The following BBS9 variants were observed in gnomAD, a reference collection of about 807,000 sequenced individuals.
BBS9 encodes Bardet-Biedl syndrome 9, also known as protein PTHB1.
BBS9 carries 89 observed loss-of-function variants against 117.7 expected under a neutral mutation model. That is an observed-to-expected ratio of 0.76 (90% CI 0.64 to 0.90). The LOEUF is 0.90. BBS9 is among the 40% of genes least tolerant of loss of function. The pLI is 0.00. For synonymous variants in BBS9, 379 were observed against 370.9 expected (o/e 1.02, Z -0.25); for missense variants, 982 against 1,042.2 (o/e 0.94, Z 0.80).
chr7:33,462,152 T>C (rs1335250473), intron 19 of BBS9, among the ~76,000 whole-genome samples: 1 of 152,078 alleles, frequency 6.6e-6, no homozygotes, highest in Non-Finnish European at 1.5e-5. Flanking sequence ...TACACAAGAA[T>C]GTTTTATTGG....
intron 9 of BBS9, among the ~76,000 whole-genome samples, chr7:33,313,354 T>C (rs1451627830): frequency 4.6e-5 from 7 of 152,206 alleles, no homozygotes; most frequent in Non-Finnish European, 1.0e-4. Flanking sequence ...TATTTTTTCA[T>C]TAATGAAAGA....
At chr7:33,459,044 T>C (rs1001788054) in intron 19 of BBS9, among the ~76,000 whole-genome samples, 1 of 152,066 alleles carries the variant, frequency 6.6e-6, no homozygotes, top group Non-Finnish European at 1.5e-5. Context: ...GGAATGAAGT[T>C]AGGGGATCAG....
rs140019958 is a variant in BBS9, at chr7:33,596,359, TTATCTATC to T, written c.2522-8478_2522-8471del. Among the ~76,000 whole-genome samples the T allele has an allele frequency of 2.6e-3, 376 of 145,002 alleles. 1 individual carries two copies. The highest frequency in any genetic ancestry group is 0.01 in the Middle Eastern group (3 of 292). ...TTGTAGATATATAATTGATATATAA[TTATCTATC>T]TATCTATCTATCTATCTATCTATCT... On this transcript the variant is annotated intron_variant, in intron 21 of 22. Coordinates refer to ENST00000242067, the MANE Select transcript of BBS9 (RefSeq NM_198428.3).
chr7:33,405,857 T>C (rs1284984180), intron 19 of BBS9, among the ~76,000 whole-genome samples: 1 of 152,182 alleles, frequency 6.6e-6, no homozygotes, highest in Admixed American at 6.5e-5. Flanking sequence ...AGTTCTGCTC[T>C]GATTTTAGTT....
At chr7:33,466,306 T>C (rs1840154217) in intron 19 of BBS9, among the ~76,000 whole-genome samples, 1 of 152,102 alleles carries the variant, frequency 6.6e-6, no homozygotes, top group South Asian at 2.1e-4. Flanking sequence ...TGACCAACAT[T>C]CTCTCACTTC....
intron 19 of BBS9, among the ~76,000 whole-genome samples, chr7:33,465,539 G>A (rs1362229): frequency 0.78 from 118,710 of 152,110 alleles, 47,211 homozygotes; most frequent in African/African-American, 0.94. Flanking sequence ...GGATTTCAGT[G>A]CACTCTTATT....
chr7:33,491,293 G>A (rs1473048032), intron 19 of BBS9, among the ~76,000 whole-genome samples: 1 of 152,190 alleles, frequency 6.6e-6, no homozygotes, highest in African/African-American at 2.4e-5. Flanking sequence ...AGGATAAAAA[G>A]CAAAGCTACC....
At chr7:33,202,949 C>T (rs1235148722) in intron 5 of BBS9, among the ~76,000 whole-genome samples, 1 of 152,192 alleles carries the variant, frequency 6.6e-6, no homozygotes, top group Non-Finnish European at 1.5e-5. Flanking sequence ...CCATTGTCAA[C>T]CTCCAGCTTA....
At chr7:33,165,126 T>C (rs1180438822) in intron 4 of BBS9, among the ~76,000 whole-genome samples, 1 of 152,180 alleles carries the variant, frequency 6.6e-6, no homozygotes, top group Non-Finnish European at 1.5e-5. Flanking sequence ...GGGTTGAAAA[T>C]TGTTTTCTTT....
chr7:33,341,008 A>C lies in BBS9; in HGVS notation c.1275+35A>C, dbSNP rs940351746. ...CTTGCAGATTTTAAAGGGGTTTATA[A>C]GAGTGGTAAACTCTGATGAATTAGG... On this transcript the variant is annotated intron_variant, in intron 11 of 22. Coordinates refer to ENST00000242067, the MANE Select transcript of BBS9 (RefSeq NM_198428.3). 15 of 1,576,096 alleles carry C rather than the reference A, an allele frequency of 9.5e-6. No homozygotes were observed. The African/African-American group carries it at 1.5e-4, about 16-fold the overall frequency.
intron 5 of BBS9, among the ~76,000 whole-genome samples, chr7:33,178,342 C>T (rs1562743418): frequency 6.6e-6 from 1 of 152,208 alleles, no homozygotes. Flanking sequence ...GTTCCTCCCA[C>T]CTTGGCAGAG....
At chr7:33,252,018 G>T (rs183680158) in intron 5 of BBS9, among the ~76,000 whole-genome samples, 13 of 152,270 alleles carry the variant, frequency 8.5e-5, no homozygotes, top group Non-Finnish European at 1.8e-4. Context: ...GAAGCATGAT[G>T]CTGGCATCTG....
intron 21 of BBS9, among the ~76,000 whole-genome samples, chr7:33,564,526 A>G (rs769579546): frequency 6.6e-6 from 1 of 152,190 alleles, no homozygotes; most frequent in Non-Finnish European, 1.5e-5. Context: ...CACTTAGCAT[A>G]GGACCTAGCC....
chr7:33,340,864 T>C lies in BBS9; in HGVS notation c.1199-33T>C. The C allele has an allele frequency of 5.1e-6, 8 of 1,578,964 alleles. No individual in the cohort carries two copies. The South Asian group carries it at 9.0e-5, about 18-fold the overall frequency. On this transcript the variant is annotated intron_variant, in intron 10 of 22. Transcript: ENST00000242067. Reference sequence around the variant, plus strand: ...ACTATATATAGAAAGTTTTACTTTATGATTAAATAATTTTTCTTTTTTTAA... The same window carrying C: ...ACTATATATAGAAAGTTTTACTTTACGATTAAATAATTTTTCTTTTTTTAA...
At chr7:33,467,439 A>G (rs114158935) in intron 19 of BBS9, among the ~76,000 whole-genome samples, 343 of 152,010 alleles carry the variant, frequency 2.3e-3, no homozygotes, top group African/African-American at 8.0e-3. Flanking sequence ...GTGATTTCCT[A>G]TTCCTAGTTT....
rs139746564 is a variant in BBS9 at position 33,333,671 on chromosome 7, A to G, written c.1017-2770A>G. On this transcript the variant is annotated intron_variant, in intron 9 of 22. Transcript: ENST00000242067. The stretch of plus-strand genomic sequence containing the variant: ...TGCTGTGTTGCCCAGGCTGGAGTGC[A>G]GTGGTCTCGGCTCACTGCAACCTCT... Among the ~76,000 whole-genome samples, 619 of 151,786 alleles carry G rather than the reference A, an allele frequency of 4.1e-3. 4 individuals are homozygous for G. The highest frequency in any genetic ancestry group is 0.017 in the Middle Eastern group (5 of 294).
chr7:33,546,311 C>T (rs112919731), intron 21 of BBS9, among the ~76,000 whole-genome samples: 4 of 152,252 alleles, frequency 2.6e-5, no homozygotes, highest in African/African-American at 4.8e-5. Flanking sequence ...ACATACTTAA[C>T]CAGTTCCCTT....
At chr7:33,322,683 T>C (rs116235157) in intron 9 of BBS9, among the ~76,000 whole-genome samples, 1,878 of 152,126 alleles carry the variant, frequency 0.012, 42 homozygotes, top group African/African-American at 0.043. Context: ...TCTCAAAAAA[T>C]AACCTTTTCT....
intron 9 of BBS9, among the ~76,000 whole-genome samples, chr7:33,310,004 G>A (rs572969810): frequency 3.2e-4 from 48 of 152,274 alleles, no homozygotes; most frequent in Non-Finnish European, 5.1e-4. Flanking sequence ...GCCAAAAAAG[G>A]GGCACATATC....
Sources: allele counts gnomAD v4.1 joint callset (sites outside exome capture counted in the v4.1 genomes callset), GRCh38; gene constraint gnomAD v4.1.1; transcripts MANE v1.5; gene names NCBI Gene and HGNC (gene_info 2026-07-23, HGNC 2026-07-21).